ZFHX4: variants seen among roughly 807,000 people sequenced by gnomAD.
ZFHX4 encodes the protein zinc finger homeobox 4, also known as zinc finger homeobox protein 4.
ZFHX4 carries 56 observed loss-of-function variants against 267.6 expected under a neutral mutation model. The observed-to-expected ratio is 0.21, with a 90% confidence interval of 0.17 to 0.26. ZFHX4 has a LOEUF of 0.26. Among genes scored for constraint, ZFHX4 ranks in the 10% least tolerant of loss-of-function variants. The pLI, the probability that ZFHX4 is intolerant of heterozygous loss-of-function variation, is 1.00. For synonymous variants in ZFHX4, 1,778 were observed against 1,665.6 expected (o/e 1.07, Z -1.64); for missense variants, 4,332 against 4,420.0 (o/e 0.98, Z 0.56).
At chr8:76,817,586 G>C (rs952748209) in intron 4 of ZFHX4, among the ~76,000 whole-genome samples, 1 of 152,152 alleles carries the variant, frequency 6.6e-6, no homozygotes, top group South Asian at 2.1e-4. Flanking sequence ...AGAATTAAAT[G>C]CATACAACTT....
chr8:76,800,708 C>T (rs1287834578), intron 4 of ZFHX4, among the ~76,000 whole-genome samples: 1 of 152,186 alleles, frequency 6.6e-6, no homozygotes, highest in Non-Finnish European at 1.5e-5. Flanking sequence ...CAGCAGACTT[C>T]ACGCTTAATA....
intron 4 of ZFHX4, among the ~76,000 whole-genome samples, chr8:76,808,124 A>G (rs553451338): frequency 3.4e-4 from 52 of 152,270 alleles, no homozygotes; most frequent in African/African-American, 1.2e-3. Flanking sequence ...ATTTTTAGCT[A>G]CCATTGATTA....
At chr8:76,844,609 T>G (rs1457913945) in intron 6 of ZFHX4, among the ~76,000 whole-genome samples, 1 of 152,142 alleles carries the variant, frequency 6.6e-6, no homozygotes, top group East Asian at 1.9e-4. Context: ...TGAATTACTA[T>G]TCTTCCTTGG....
rs1355433789 is a variant in ZFHX4 at position 76,853,021 on chromosome 8, C to G, written c.6100C>G (p.Pro2034Ala). The G allele has an allele frequency of 1.7e-5, 26 of 1,512,250 alleles. No homozygotes were observed. The Middle Eastern group carries it at 1.7e-3, about 99-fold the overall frequency. The allele number at this position is 1,512,250 out of a possible 1,614,324, so 93.7% of individuals were successfully genotyped here. A position where few individuals can be genotyped will look rare whatever the true frequency, so the allele number is the denominator to read the frequency against. Residue 2034 changes from proline (P) to alanine (A), a missense_variant, in exon 10 of 11, where the codon CCT becomes GCT. Physicochemically the swap from Pro to Ala is conservative, Grantham distance 27. Transcript: ENST00000651372. ...PVKIPNTVST[P>A]LQAPPPTPPP... ...AAAGATCCCCAACACGGTTTCTACT[C>G]CTCTGCAAGCTCCACCACCCACTCC...
rs547727253 is a variant in ZFHX4 at position 76,860,091 on chromosome 8, A to G, written c.9380-3003A>G. On this transcript the variant is annotated intron_variant, in intron 10 of 10. Coordinates refer to ENST00000651372, the MANE Select transcript of ZFHX4 (RefSeq NM_024721.5). ...GACACGCATTTAATTGTAAATTACCACCACTTACTCTACATCTCTATTGCT... is the reference window on the plus strand; with the variant it reads ...GACACGCATTTAATTGTAAATTACCGCCACTTACTCTACATCTCTATTGCT... Among the ~76,000 whole-genome samples the G allele has an allele frequency of 9.9e-5, 15 of 152,210 alleles. No homozygotes were observed. The South Asian group carries it at 2.9e-3, about 29-fold the overall frequency.
intron 3 of ZFHX4, among the ~76,000 whole-genome samples, chr8:76,714,376 G>A (rs1808510038): frequency 6.6e-6 from 1 of 152,202 alleles, no homozygotes; most frequent in Non-Finnish European, 1.5e-5. Context: ...CCGTGGTTCT[G>A]CTTCCAGAAC....
At chr8:76,682,856 C>A (rs1446036711) in intron 1 of ZFHX4, among the ~76,000 whole-genome samples, 1 of 152,088 alleles carries the variant, frequency 6.6e-6, no homozygotes. Flanking sequence ...GACTGGAATG[C>A]GCCGGGTCTC....
At chr8:76,814,161 T>A (rs1811445865) in intron 4 of ZFHX4, among the ~76,000 whole-genome samples, 1 of 152,148 alleles carries the variant, frequency 6.6e-6, no homozygotes, top group African/African-American at 2.4e-5. Flanking sequence ...AGCCTTGAAC[T>A]TCTGGGCACA....
chr8:76,705,364 A>C lies in ZFHX4; in HGVS notation c.1276A>C (p.Ser426Arg). The C allele has an allele frequency of 6.2e-7, 1 of 1,613,960 alleles. No homozygotes were observed. Residue 426 changes from serine (S) to arginine (R), a missense_variant, in exon 2 of 11, where the codon AGC becomes CGC. Ser to Arg is a moderately radical substitution (Grantham distance 110). Transcript: ENST00000651372. The part of the protein sequence containing the change: ...VNTPITSVSL[S>R]HSSSESSKMS... ...CACCCCAATTACCTCTGTCTCCCTCAGCCACTCATCGTCTGAGTCTAGCAA... is the reference window on the plus strand; with the variant it reads ...CACCCCAATTACCTCTGTCTCCCTCCGCCACTCATCGTCTGAGTCTAGCAA...
At chr8:76,768,321 C>A (rs960482860) in intron 3 of ZFHX4, among the ~76,000 whole-genome samples, 2 of 152,036 alleles carry the variant, frequency 1.3e-5, no homozygotes, top group African/African-American at 2.4e-5. Flanking sequence ...ATTTTAATTG[C>A]AGGAGTGGCA....
chr8:76,843,657 A>G lies in ZFHX4; in HGVS notation c.3511+886A>G, dbSNP rs1222380253. ...ATTATGTTGGACTCATTGAAGCAGAAGAAGTGCTGAAACGGGTTCAAGCCT... is the reference window on the plus strand; with the variant it reads ...ATTATGTTGGACTCATTGAAGCAGAGGAAGTGCTGAAACGGGTTCAAGCCT... On this transcript the variant is annotated intron_variant, in intron 6 of 10. Coordinates refer to ENST00000651372, the MANE Select transcript of ZFHX4 (RefSeq NM_024721.5). Among the ~76,000 whole-genome samples the G allele has an allele frequency of 2.0e-5, 3 of 152,184 alleles. No individual in the cohort carries two copies. In the East Asian group the frequency reaches 5.8e-4, roughly 29 times the overall value.
At position 76,864,092 on chromosome 8, in the gene ZFHX4, G is replaced by A; in HGVS notation, c.10378G>A (p.Glu3460Lys). 6.2e-7 allele frequency: 1 copy of A among 1,613,836 alleles called. No individual in the cohort carries two copies. Among genetic ancestry groups the A allele is most frequent in the Non-Finnish European group, 8.5e-7 (1 of 1,179,852 alleles). Residue 3460 changes from glutamate (E) to lysine (K), a missense_variant, in exon 11 of 11, where the codon GAA (glutamate) becomes AAA (lysine). Glu to Lys is a moderately conservative substitution (Grantham distance 56, BLOSUM62 1). Coordinates refer to ENST00000651372, the MANE Select transcript of ZFHX4 (RefSeq NM_024721.5). ...LACDVAISGNEALSQHLQSSL... is the reference protein window; with the variant it reads ...LACDVAISGNKALSQHLQSSL... ...CTGTGATGTGGCTATCAGTGGGAAT[G>A]AAGCACTTAGCCAACACCTCCAGTC... is the stretch of plus-strand genomic sequence containing the variant.
At chr8:76,747,933 A>AAAACAAAC (rs138245942) in intron 3 of ZFHX4, among the ~76,000 whole-genome samples, 40 of 150,948 alleles carry the variant, frequency 2.6e-4, no homozygotes, top group African/African-American at 3.2e-4. Flanking sequence ...GCTCTATCTC[A>AAAACAAAC]AAACAAACAA....
rs778348013 is a variant in ZFHX4 at position 76,707,573 on chromosome 8, G to A, written c.2618G>A (p.Arg873Gln). 18 of 1,586,010 alleles carry A rather than the reference G, an allele frequency of 1.1e-5. No homozygotes were observed. Among genetic ancestry groups the A allele is most frequent in the South Asian group, 2.3e-5 (2 of 87,382 alleles). Reference protein sequence around the residue: ...LVNNELPPEIRLASGQLMGDD... With the variant: ...LVNNELPPEIQLASGQLMGDD... ...AATAATGAGCTGCCGCCTGAAATCC[G>A]GCTTGCCAGTGGTCAGCTAATGGGT... The change falls in exon 3 of 11, where the codon CGG becomes CAG. Residue 873 changes from arginine (R) to glutamine (Q), a missense_variant. Around this residue, in one of 7 missense-constraint regions of ZFHX4, gnomAD observed 1,195 missense variants for 1,173.6 expected, o/e 1.02. Coordinates refer to ENST00000651372, the MANE Select transcript of ZFHX4 (RefSeq NM_024721.5).
intron 1 of ZFHX4, among the ~76,000 whole-genome samples, chr8:76,700,138 T>A (rs962613807): frequency 2.0e-5 from 3 of 152,062 alleles, no homozygotes; most frequent in Non-Finnish European, 4.4e-5. Flanking sequence ...CTATTTTTTT[T>A]AAATTCGTAA....
chr8:76,761,112 A>G (rs1042232578), intron 3 of ZFHX4, among the ~76,000 whole-genome samples: 9 of 152,110 alleles, frequency 5.9e-5, no homozygotes, highest in African/African-American at 1.9e-4. Context: ...TCTGCATTCA[A>G]ATTAAGTGAT....
intron 3 of ZFHX4, among the ~76,000 whole-genome samples, chr8:76,740,920 CA>C (rs932142645): frequency 3.3e-5 from 5 of 152,064 alleles, no homozygotes; most frequent in African/African-American, 7.2e-5. Context: ...CTGCAGAGAT[CA>C]GGGGCTCTGA....
intron 4 of ZFHX4, among the ~76,000 whole-genome samples, chr8:76,832,465 AGAT>A (rs1202038027): frequency 6.6e-5 from 10 of 152,172 alleles, no homozygotes; most frequent in Non-Finnish European, 1.5e-4. Context: ...TTTTCTAAAA[AGAT>A]GACTCCTGAG....
intron 3 of ZFHX4, among the ~76,000 whole-genome samples, chr8:76,766,927 G>T (rs759337136): frequency 6.6e-6 from 1 of 152,028 alleles, no homozygotes; most frequent in Non-Finnish European, 1.5e-5. Context: ...GCCAATGTCA[G>T]TTGTTTAATT....
Sources: gnomAD v4.1 joint callset for allele counts (sites outside exome capture counted in the v4.1 genomes callset) on GRCh38, gnomAD v4.1.1 for gene constraint, gnomAD v4.1.1 regional missense constraint, MANE v1.5 for transcripts, NCBI Gene and HGNC (gene_info 2026-07-23, HGNC 2026-07-21) for gene names.